PSD2: variants seen among roughly 807,000 people sequenced by gnomAD.
The protein encoded by PSD2 is pleckstrin and Sec7 domain containing 2.
PSD2 carries 38 observed loss-of-function variants against 69.8 expected under a neutral mutation model. The ratio of observed to expected loss-of-function variants is 0.54; its 90% CI spans 0.42 to 0.71. PSD2 has a LOEUF of 0.71. Ranked by LOEUF, PSD2 falls within the 30% of genes least tolerant of loss-of-function variation. PSD2 has a pLI of 0.00. For synonymous variants in PSD2, 412 were observed against 423.0 expected (o/e 0.97, Z 0.32); for missense variants, 943 against 1,014.5 (o/e 0.93, Z 0.96).
the PSD2 span, among the ~76,000 whole-genome samples, chr5:139,767,503 C>T: frequency 5.3e-5 from 8 of 151,754 alleles, no homozygotes; most frequent in South Asian, 6.3e-4. Context: ...TTAGTAGAGA[C>T]GGGGTTTCCC....
At chr5:139,790,643 G>A in the PSD2 span, among the ~76,000 whole-genome samples, 1 of 152,176 alleles carries the variant, frequency 6.6e-6, no homozygotes, top group African/African-American at 2.4e-5. Context: ...GGTGTCAGAT[G>A]CTGTCAGGAA....
In PSD2 at chr5:139,837,625, GA is replaced by G. The variant is rs1443868867; in HGVS notation, c.1667del (p.Asp556ValfsTer14). ...AGCTCGCCCATCCTGCCCCACCCAGGATGAGTACAGGCCTGACAAAGCTCTA... is the reference window on the plus strand; with the variant it reads ...AGCTCGCCCATCCTGCCCCACCCAGGTGAGTACAGGCCTGACAAAGCTCTA... ...LKGTILYLQK[D>X]EYRPDKALSE... On this transcript the variant is annotated frameshift_variant and splice_region_variant, in exon 12 of 15. Transcript: ENST00000274710. LOFTEE classifies it high-confidence loss of function. The surrounding 1 kb of genome is among the most constrained non-coding windows in gnomAD (Gnocchi z 5.0). 1 of 1,596,746 alleles carries G rather than the reference GA, an allele frequency of 6.3e-7. No homozygotes were observed. Among genetic ancestry groups the G allele is most frequent in the East Asian group, 2.3e-5 (1 of 44,410 alleles).
the PSD2 span, among the ~76,000 whole-genome samples, chr5:139,786,475 G>A: frequency 0.017 from 2,526 of 152,310 alleles, 81 homozygotes; most frequent in African/African-American, 0.058. Flanking sequence ...GTATGCCCAG[G>A]TGTCATGGAC....
At chr5:139,823,177 G>C (rs1040889937) in intron 7 of PSD2, among the ~76,000 whole-genome samples, 1 of 152,220 alleles carries the variant, frequency 6.6e-6, no homozygotes, top group Non-Finnish European at 1.5e-5. Flanking sequence ...GAAGTGACTG[G>C]TGTGGGACGC....
At chr5:139,761,279 G>T in the PSD2 span, among the ~76,000 whole-genome samples, 1 of 152,190 alleles carries the variant, frequency 6.6e-6, no homozygotes, top group Non-Finnish European at 1.5e-5. Context: ...GAAGTCACTT[G>T]CTCAATGTCA....
At chr5:139,826,479 C>T (rs113930299) in intron 7 of PSD2, among the ~76,000 whole-genome samples, 2,371 of 152,220 alleles carry the variant, frequency 0.016, 59 homozygotes, top group African/African-American at 0.055. Flanking sequence ...CCATCTCCCA[C>T]GTTCATAAGA....
the PSD2 span, among the ~76,000 whole-genome samples, chr5:139,756,827 T>C: frequency 6.6e-6 from 1 of 152,150 alleles, no homozygotes; most frequent in African/African-American, 2.4e-5. Context: ...CGCTGGGAAA[T>C]AGGGAAGCTA....
rs984419961 is a variant in PSD2, at chr5:139,795,866, C to A, written c.-160C>A. On this transcript the variant is annotated 5_prime_UTR_variant, in exon 1 of 15. Coordinates refer to ENST00000274710, the MANE Select transcript of PSD2 (RefSeq NM_032289.4). This position sits in a 1 kb window ranked among gnomAD's most constrained non-coding sequence, Gnocchi z 4.5. ...CGCGGCTCCGGCACCTGAAGGGACG[C>A]GGGCGGGCGCGGGCAGCTCCGACCG... The A allele has an allele frequency of 6.6e-6, 1 of 151,458 alleles. No individual in the cohort carries two copies. Among genetic ancestry groups the A allele is most frequent in the African/African-American group, 2.4e-5 (1 of 41,340 alleles). 9.4% of individuals were successfully genotyped at this position (151,458 alleles called of 1,614,324 possible).
the PSD2 span, among the ~76,000 whole-genome samples, chr5:139,778,561 T>C: frequency 6.6e-6 from 1 of 152,244 alleles, no homozygotes; most frequent in Non-Finnish European, 1.5e-5. Flanking sequence ...TTTTTGCCAT[T>C]ATAATCAATA....
the PSD2 span, among the ~76,000 whole-genome samples, chr5:139,767,244 C>T: frequency 5.3e-5 from 8 of 151,894 alleles, no homozygotes; most frequent in Non-Finnish European, 8.8e-5. Context: ...CCGCCTGCCT[C>T]GGCCTCCCAA....
intron 7 of PSD2, among the ~76,000 whole-genome samples, chr5:139,832,929 C>T (rs1350215027): frequency 6.6e-6 from 1 of 152,158 alleles, no homozygotes; most frequent in African/African-American, 2.4e-5. Flanking sequence ...TCATTTCCAG[C>T]TCTTTGCCTG....
At chr5:139,815,986 T>A (rs1581721642) in intron 4 of PSD2, among the ~76,000 whole-genome samples, 2 of 114,506 alleles carry the variant, frequency 1.7e-5, no homozygotes. Flanking sequence ...AGAGCAACAC[T>A]CCATATATTA....
chr5:139,774,799 G>A, the PSD2 span, among the ~76,000 whole-genome samples: 5 of 152,180 alleles, frequency 3.3e-5, no homozygotes, highest in Admixed American at 1.3e-4. Flanking sequence ...CCCGGGAAAG[G>A]CTTTCTATTT....
At chr5:139,771,051 G>C in the PSD2 span, among the ~76,000 whole-genome samples, 1 of 152,206 alleles carries the variant, frequency 6.6e-6, no homozygotes, top group Non-Finnish European at 1.5e-5. Context: ...GACAAATCTA[G>C]AGGCAGACCA....
the PSD2 span, among the ~76,000 whole-genome samples, chr5:139,778,952 A>AC: frequency 6.6e-6 from 1 of 151,652 alleles, no homozygotes; most frequent in East Asian, 1.9e-4. Context: ...AAACAAAAAA[A>AC]AAAAAAAAAA....
At chr5:139,822,511 G>C (rs968755939) in intron 6 of PSD2, among the ~76,000 whole-genome samples, 17 of 152,216 alleles carry the variant, frequency 1.1e-4, no homozygotes, top group African/African-American at 4.1e-4. Flanking sequence ...GGCCAGAGTG[G>C]GTCCAGGGTG....
chr5:139,838,516 A>C, intron 12 of PSD2, 112 bp from the exon 13 acceptor site: 2 of 1,174,422 alleles, frequency 1.7e-6, no homozygotes, highest in Non-Finnish European at 2.5e-6. Context: ...CCACCCATCT[A>C]GAGGTACTGG....
the PSD2 span, among the ~76,000 whole-genome samples, chr5:139,785,295 C>T: frequency 6.6e-6 from 1 of 151,078 alleles, no homozygotes; most frequent in African/African-American, 2.4e-5. Context: ...GCTATCTCGG[C>T]TTACTGCAAC....
the PSD2 span, among the ~76,000 whole-genome samples, chr5:139,756,255 C>T: frequency 2.0e-5 from 3 of 152,236 alleles, no homozygotes; most frequent in Non-Finnish European, 2.9e-5. Flanking sequence ...TGCCGCGCCT[C>T]CCGCCATTAT....
Sources: gnomAD v4.1 joint callset for allele counts (sites outside exome capture counted in the v4.1 genomes callset) on GRCh38, gnomAD v4.1.1 for gene constraint, Gnocchi (gnomAD v3.1) non-coding constraint, MANE v1.5 for transcripts, NCBI Gene and HGNC (gene_info 2026-07-23, HGNC 2026-07-21) for gene names.